The following GPC5 variants were observed in gnomAD, a reference collection of about 807,000 sequenced individuals.
GPC5 encodes glypican 5.
Under a neutral mutation model 53.9 loss-of-function variants are expected in GPC5, and 47 were observed. The ratio of observed to expected loss-of-function variants is 0.87; its 90% CI spans 0.69 to 1.11. The LOEUF is 1.11. Ranked by LOEUF, GPC5 falls within the 50% of genes most tolerant of loss-of-function variation. GPC5 has a pLI of 0.00. For synonymous variants in GPC5, 286 were observed against 263.3 expected, an observed-to-expected ratio of 1.09 and a Z score of -0.84; for missense variants, 748 against 713.1, an observed-to-expected ratio of 1.05 and a Z score of -0.56.
intron 7 of GPC5, among the ~76,000 whole-genome samples, chr13:92,787,472 C>T (rs73625631): frequency 6.4e-4 from 97 of 151,450 alleles, no homozygotes; most frequent in African/African-American, 2.1e-3. Context: ...AAACTTACTT[C>T]GTTTCAGTCA....
At chr13:92,696,974 T>C in intron 7 of GPC5, among the ~76,000 whole-genome samples, 1 of 152,180 alleles carries the variant, frequency 6.6e-6, no homozygotes, top group Non-Finnish European at 1.5e-5. Context: ...CCATTGCTTG[T>C]TTTTGTCAAG....
chr13:91,540,664 T>C (rs1312018155), intron 2 of GPC5, among the ~76,000 whole-genome samples: 1 of 152,220 alleles, frequency 6.6e-6, no homozygotes, highest in Non-Finnish European at 1.5e-5. Flanking sequence ...GCAGTGTAAA[T>C]AGATGGACTT....
intron 6 of GPC5, among the ~76,000 whole-genome samples, chr13:92,081,671 A>G (rs1329810631): frequency 2.0e-5 from 3 of 152,224 alleles, no homozygotes; most frequent in Non-Finnish European, 2.9e-5. Context: ...CCCTACACAG[A>G]ATATCGATAT....
At position 91,969,917 on chromosome 13, in the gene GPC5, C is replaced by T. The variant is rs556353619; in HGVS notation, c.1401+61860C>T. Among the ~76,000 whole-genome samples, 227 of 152,178 alleles carry T rather than the reference C, an allele frequency of 1.5e-3. 1 individual carries two copies. The Middle Eastern group carries it at 0.051, about 34-fold the overall frequency. On this transcript the variant is annotated intron_variant, in intron 6 of 7. Coordinates refer to ENST00000377067, the MANE Select transcript of GPC5 (RefSeq NM_004466.6). ...AAAGGGACCTCTTATACGCACTGTT[C>T]ATGGAAATATAATTTGGTACAACGA...
intron 5 of GPC5, among the ~76,000 whole-genome samples, chr13:91,864,402 C>T (rs2039062361): frequency 6.6e-6 from 1 of 152,040 alleles, no homozygotes; most frequent in Non-Finnish European, 1.5e-5. Flanking sequence ...TTTGCTTTTA[C>T]AGGAAAATAA....
At chr13:92,682,286 T>C (rs1195301253) in intron 7 of GPC5, among the ~76,000 whole-genome samples, 1 of 152,190 alleles carries the variant, frequency 6.6e-6, no homozygotes, top group Non-Finnish European at 1.5e-5. Flanking sequence ...GGGAGCAACA[T>C]TGTGCTCTCT....
chr13:91,456,388 A>G (rs540978733), intron 2 of GPC5, among the ~76,000 whole-genome samples: 3 of 151,844 alleles, frequency 2.0e-5, no homozygotes, highest in South Asian at 4.2e-4. Context: ...TTTGCAATCC[A>G]TGGAAAGAAA....
At chr13:91,701,341 C>A (rs929025482) in intron 3 of GPC5, among the ~76,000 whole-genome samples, 1 of 152,046 alleles carries the variant, frequency 6.6e-6, no homozygotes, top group African/African-American at 2.4e-5. Flanking sequence ...TACTTTTTGA[C>A]AAACATGTCC....
At chr13:92,330,397 CTTCATTTACTATTTCTTTAA>C (rs2043280611) in intron 7 of GPC5, among the ~76,000 whole-genome samples, 1 of 152,092 alleles carries the variant, frequency 6.6e-6, no homozygotes, top group Non-Finnish European at 1.5e-5. Context: ...CAGGTTGGGC[CTTCATTTACTATTTCTTTAA>C]TTCATCCATC....
chr13:92,313,789 G>A (rs1302182569), intron 7 of GPC5, among the ~76,000 whole-genome samples: 3 of 152,160 alleles, frequency 2.0e-5, no homozygotes, highest in Middle Eastern at 6.8e-3. Flanking sequence ...CCTAATCTGG[G>A]CCCAGGAAGG....
intron 5 of GPC5, among the ~76,000 whole-genome samples, chr13:91,816,308 G>A (rs1216304893): frequency 2.6e-5 from 4 of 152,094 alleles, no homozygotes; most frequent in African/African-American, 9.7e-5. Flanking sequence ...ATTGTTGAGT[G>A]AATGCTTAAA....
At chr13:92,341,338 C>T (rs2043364970) in intron 7 of GPC5, among the ~76,000 whole-genome samples, 2 of 152,082 alleles carry the variant, frequency 1.3e-5, no homozygotes, top group Admixed American at 1.3e-4. Flanking sequence ...TCTTTAAAGG[C>T]ATACTGTTGT....
At chr13:92,440,410 T>A (rs1203165409) in intron 7 of GPC5, among the ~76,000 whole-genome samples, 1 of 152,174 alleles carries the variant, frequency 6.6e-6, no homozygotes, top group African/African-American at 2.4e-5. Flanking sequence ...CAGCTGCATC[T>A]ATGTTGCTGC....
intron 7 of GPC5, among the ~76,000 whole-genome samples, chr13:92,413,411 G>T (rs986309688): frequency 1.3e-5 from 2 of 152,284 alleles, no homozygotes; most frequent in South Asian, 2.1e-4. Context: ...CACTATAAAT[G>T]GGCATGTTCC....
At chr13:91,707,658 G>A (rs974973871) in intron 3 of GPC5, among the ~76,000 whole-genome samples, 2 of 152,124 alleles carry the variant, frequency 1.3e-5, no homozygotes, top group Non-Finnish European at 2.9e-5. Flanking sequence ...TAGTAGCAAA[G>A]TGTTTGTGAG....
At chr13:92,157,447 A>G (rs1176211092) in intron 7 of GPC5, among the ~76,000 whole-genome samples, 1 of 152,180 alleles carries the variant, frequency 6.6e-6, no homozygotes, top group Admixed American at 6.5e-5. Flanking sequence ...TGCTTCCCTG[A>G]CATAGAGACT....
In GPC5 at chr13:92,381,856, TG is replaced by T. The variant is rs1474646263; in HGVS notation, c.1561+236868del. On this transcript the variant is annotated intron_variant, in intron 7 of 7. Transcript: ENST00000377067. ...ATATTATATTGTATATGATCATATA[TG>T]ATTATATATATCATATATATGATTA... Among the ~76,000 whole-genome samples, 10 of 63,640 alleles carry T rather than the reference TG, an allele frequency of 1.6e-4. No individual in the cohort carries two copies. The East Asian group carries it at 1.8e-3, about 12-fold the overall frequency. 41.8% of individuals were successfully genotyped at this position (63,640 alleles called of 152,430 possible).
intron 7 of GPC5, among the ~76,000 whole-genome samples, chr13:92,798,516 G>A (rs1364438960): frequency 6.6e-6 from 1 of 151,850 alleles, no homozygotes; most frequent in East Asian, 1.9e-4. Flanking sequence ...AGTTTGCCAT[G>A]TGTGATAACC....
intron 7 of GPC5, among the ~76,000 whole-genome samples, chr13:92,743,091 TA>T: frequency 6.7e-6 from 1 of 148,176 alleles, no homozygotes; most frequent in Non-Finnish European, 1.5e-5. Flanking sequence ...ACATGAACTT[TA>T]AAGTAGTTTT....
Sources: allele counts gnomAD v4.1 joint callset (sites outside exome capture counted in the v4.1 genomes callset), GRCh38; gene constraint gnomAD v4.1.1; transcripts MANE v1.5; gene names NCBI Gene and HGNC (gene_info 2026-07-23, HGNC 2026-07-21).